Variants in FARS2 observed in about 807,000 individuals in gnomAD.
FARS2 encodes phenylalanyl-tRNA synthetase 2, mitochondrial, also known as phenylalanine--tRNA ligase, mitochondrial.
FARS2 carries 40 observed loss-of-function variants against 46.4 expected under a neutral mutation model. That is an observed-to-expected ratio of 0.86 (90% confidence interval 0.67 to 1.12). The LOEUF (loss-of-function observed/expected upper bound fraction) is 1.12, where lower values mean the gene tolerates loss of function less well. Among genes scored for constraint, FARS2 ranks in the 50% most tolerant of loss-of-function variants. FARS2 has a pLI of 0.00. For synonymous variants in FARS2, 234 were observed against 214.9 expected, an observed-to-expected ratio of 1.09 and a Z score of -0.78; for missense variants, 513 against 567.9, an observed-to-expected ratio of 0.90 and a Z score of 0.98.
chr6:5,541,578 T>A (rs747711393), intron 4 of FARS2, among the ~76,000 whole-genome samples: 1 of 152,234 alleles, frequency 6.6e-6, no homozygotes, highest in Non-Finnish European at 1.5e-5. Flanking sequence ...TTAAACATAA[T>A]TCTTTTGAGA....
At chr6:5,491,881 A>T (rs917347147) in intron 4 of FARS2, among the ~76,000 whole-genome samples, 1 of 151,988 alleles carries the variant, frequency 6.6e-6, no homozygotes, top group Non-Finnish European at 1.5e-5. Context: ...GAATTTTCAT[A>T]ACACCTACCT....
At chr6:5,682,042 C>A (rs2150835629) in intron 6 of FARS2, among the ~76,000 whole-genome samples, 1 of 152,306 alleles carries the variant, frequency 6.6e-6, no homozygotes, top group South Asian at 2.1e-4. Context: ...TAAAAGGACA[C>A]TTCCGACTCT....
At chr6:5,404,271 CTA>C (rs1410820878) in intron 2 of FARS2, among the ~76,000 whole-genome samples, 2 of 152,168 alleles carry the variant, frequency 1.3e-5, no homozygotes, top group Non-Finnish European at 2.9e-5. Flanking sequence ...TGGGAACTGA[CTA>C]TAAGTTCATG....
At chr6:5,542,423 A>G (rs1486955255) in intron 4 of FARS2, among the ~76,000 whole-genome samples, 1 of 152,190 alleles carries the variant, frequency 6.6e-6, no homozygotes, top group African/African-American at 2.4e-5. Context: ...TCTTAGGTAA[A>G]TACTTAGGAA....
chr6:5,680,512 T>A (rs1778979709), intron 6 of FARS2, among the ~76,000 whole-genome samples: 1 of 152,206 alleles, frequency 6.6e-6, no homozygotes, highest in African/African-American at 2.4e-5. Context: ...CAGTCCTCCC[T>A]GTATTTCCCA....
intron 1 of FARS2, among the ~76,000 whole-genome samples, chr6:5,341,147 C>G (rs756509559): frequency 7.8e-6 from 1 of 128,794 alleles, no homozygotes; most frequent in African/African-American, 2.9e-5. Context: ...CATATGCACA[C>G]GTTGTTTCAC....
At chr6:5,319,025 G>A (rs1364356760) in intron 1 of FARS2, among the ~76,000 whole-genome samples, 1 of 152,092 alleles carries the variant, frequency 6.6e-6, no homozygotes, top group Admixed American at 6.5e-5. Context: ...TCTTCCTTAT[G>A]GTTGGGAATT....
intron 4 of FARS2, among the ~76,000 whole-genome samples, chr6:5,521,357 T>C (rs1284083755): frequency 6.6e-6 from 1 of 150,430 alleles, no homozygotes; most frequent in African/African-American, 2.4e-5. Context: ...ATGATATTTG[T>C]CTTTTTCTAC....
chr6:5,721,575 C>T (rs1759912439), intron 6 of FARS2, among the ~76,000 whole-genome samples: 1 of 152,150 alleles, frequency 6.6e-6, no homozygotes, highest in Non-Finnish European at 1.5e-5. Context: ...AATATTGGTT[C>T]AGTGAGTTAT....
chr6:5,487,700 C>A (rs1429414760), intron 4 of FARS2, among the ~76,000 whole-genome samples: 1 of 152,182 alleles, frequency 6.6e-6, no homozygotes, highest in African/African-American at 2.4e-5. Context: ...TCACTGACAT[C>A]TGATGTAGGT....
chr6:5,319,937 G>A (rs1769847415), intron 1 of FARS2, among the ~76,000 whole-genome samples: 1 of 152,148 alleles, frequency 6.6e-6, no homozygotes, highest in African/African-American at 2.4e-5. Context: ...AATTAGAAGG[G>A]AAGCAGAGTG....
intron 5 of FARS2, among the ~76,000 whole-genome samples, chr6:5,568,124 G>T (rs1772424776): frequency 1.3e-5 from 2 of 152,162 alleles, no homozygotes; most frequent in Admixed American, 6.5e-5. Context: ...GTCTGTCTCT[G>T]TCCTTCCCCC....
At chr6:5,736,017 G>T (rs1407137722) in intron 6 of FARS2, among the ~76,000 whole-genome samples, 2 of 152,232 alleles carry the variant, frequency 1.3e-5, no homozygotes, top group African/African-American at 4.8e-5. Context: ...GAGGGGCTTG[G>T]CAGGTTGATT....
Position 5,404,613 on chromosome 6 carries a change from A to G in FARS2, c.684A>G (p.Gln228=). Residue 228 remains glutamine (Q), a synonymous_variant, in exon 3 of 7, where the codon CAA becomes CAG. Transcript: ENST00000274680. ...AAAGTTCTCGCTCTGCGCATAAACA[A>G]GAGACACACACCATGGAGGCCGTGA... The part of the protein sequence containing the change: ...FEQSSRSAHK[Q]ETHTMEAVKL... 6.2e-7 allele frequency: 1 copy of G among 1,613,512 alleles called. No individual in the cohort carries two copies. The highest frequency in any genetic ancestry group is 8.5e-7 in the Non-Finnish European group (1 of 1,179,652).
At chr6:5,670,282 A>T (rs1388216891) in intron 6 of FARS2, among the ~76,000 whole-genome samples, 1 of 152,220 alleles carries the variant, frequency 6.6e-6, no homozygotes, top group African/African-American at 2.4e-5. Flanking sequence ...ATCAATACTG[A>T]CTAGATAATA....
chr6:5,282,570 C>T (rs1475908790), intron 1 of FARS2, among the ~76,000 whole-genome samples: 1 of 152,066 alleles, frequency 6.6e-6, no homozygotes, highest in Non-Finnish European at 1.5e-5. Flanking sequence ...AGCAGCTGTT[C>T]GAGTTTTGAT....
At chr6:5,613,398 T>C in intron 6 of FARS2, 78 bp downstream of exon 6, 1 of 1,368,534 alleles carries the variant, frequency 7.3e-7, no homozygotes, top group Non-Finnish European at 1.0e-6. Context: ...TCATAAAATT[T>C]GCTGAAACCC....
intron 2 of FARS2, among the ~76,000 whole-genome samples, chr6:5,395,543 A>G (rs1171695061): frequency 6.6e-6 from 1 of 152,122 alleles, no homozygotes; most frequent in Non-Finnish European, 1.5e-5. Flanking sequence ...CCACATTTTG[A>G]CCAAGAACAC....
chr6:5,564,443 C>T lies in FARS2; in HGVS notation c.1065+19103C>T, dbSNP rs182520381. On this transcript the variant is annotated intron_variant, in intron 5 of 6. Transcript: ENST00000274680. ...CTTTTTTTTGTTTGTTTCCAAGCTG[C>T]GGAAGATCACCACTTGATTCACAGG... Among the ~76,000 whole-genome samples, 1,207 of 152,090 alleles carry T rather than the reference C, an allele frequency of 7.9e-3. 11 individuals carry two copies. The highest frequency in any genetic ancestry group is 0.028 in the African/African-American group (1,154 of 41,480).
Sources: gnomAD v4.1 joint callset for allele counts (sites outside exome capture counted in the v4.1 genomes callset) on GRCh38, gnomAD v4.1.1 for gene constraint, MANE v1.5 for transcripts, NCBI Gene and HGNC (gene_info 2026-07-23, HGNC 2026-07-21) for gene names.